RABL6: variants seen among roughly 807,000 people sequenced by gnomAD.
RABL6 encodes RAB, member RAS oncogene family like 6.
Under a neutral mutation model 72.9 loss-of-function variants are expected in RABL6, and 28 were observed. The ratio of observed to expected loss-of-function variants is 0.38; its 90% confidence interval spans 0.28 to 0.53. The LOEUF is 0.53. Among genes scored for constraint, RABL6 ranks in the 20% least tolerant of loss-of-function variants. The pLI, the probability that RABL6 is intolerant of heterozygous loss-of-function variation, is 0.80. For missense variants in RABL6, 1,029 were observed against 1,008.4 expected (o/e 1.02, Z -0.28); for synonymous variants, 477 against 421.2 (o/e 1.13, Z -1.62).
chr9:136,839,763 C>T lies in RABL6; in HGVS notation c.1828C>T (p.Pro610Ser), dbSNP rs1848654512. ...GGATGAGGGCCCTGCCGAGCCGCCC[C>T]CACCCCCCAAGCTCCCTCTCCCCGC... ...DEDEGPAEPP[P>S]PPKLPLPAFR... The change falls in exon 13 of 15, where the codon CCA (proline) becomes TCA (serine). Residue 610 changes from proline (P) to serine (S), a missense_variant. By Grantham distance (74) the Pro-to-Ser change is moderately conservative. Coordinates refer to ENST00000311502, the MANE Select transcript of RABL6 (RefSeq NM_024718.5). 1 of 1,612,224 alleles carries T rather than the reference C, an allele frequency of 6.2e-7. No individual in the cohort carries two copies. Among genetic ancestry groups the T allele is most frequent in the African/African-American group, 1.3e-5 (1 of 74,922 alleles).
Position 136,823,550 on chromosome 9 carries a change from G to A in RABL6, c.156G>A (p.Arg52=). ...TGAAGATAGTGATCCGGGGAGACAG[G>A]AACACGGGCAAGACAGCGCTGTGGC... ...YNMKIVIRGD[R]NTGKTALWHR... Residue 52 remains arginine (R), a synonymous_variant, in exon 2 of 15, where the codon AGG becomes AGA. Transcript: ENST00000311502. 2 of 1,613,840 alleles carry A rather than the reference G, an allele frequency of 1.2e-6. No homozygotes were observed. Among genetic ancestry groups the A allele is most frequent in the East Asian group, 2.2e-5 (1 of 44,894 alleles).
intron 1 of RABL6, 169 bp downstream of exon 1, chr9:136,808,495 G>A: frequency 4.3e-6 from 3 of 694,628 alleles, no homozygotes; most frequent in Non-Finnish European, 5.9e-6. Flanking sequence ...GACGCGAGGA[G>A]AGGCCAGGCC....
chr9:136,813,055 C>A, intron 1 of RABL6: 1 of 378,644 alleles, frequency 2.6e-6, no homozygotes, highest in South Asian at 2.3e-5. Flanking sequence ...GCCTTTGGGG[C>A]ACCCGGTTTC....
In RABL6 at chr9:136,825,642, C is replaced by T. The variant is rs1848339206; in HGVS notation, c.266-137C>T. 8 of 905,820 alleles carry T rather than the reference C, an allele frequency of 8.8e-6. No individual in the cohort carries two copies. The South Asian group carries it at 1.1e-4, about 12-fold the overall frequency. The allele number at this position is 905,820 out of a possible 1,614,324, so 56.1% of individuals were successfully genotyped here. A position where few individuals can be genotyped will look rare whatever the true frequency, so the allele number is the denominator to read the frequency against. On this transcript the variant is annotated intron_variant, in intron 2 of 14. Transcript: ENST00000311502. Reference sequence around the variant, plus strand: ...ATGTGGTCGTCTGGGGAGGACACATCCCCTGCTTCTGGACACTCGGAAGTC... The same window carrying T: ...ATGTGGTCGTCTGGGGAGGACACATTCCCTGCTTCTGGACACTCGGAAGTC...
intron 5 of RABL6, chr9:136,831,014 T>C (rs1047403489): frequency 1.0e-4 from 16 of 154,694 alleles, no homozygotes; most frequent in African/African-American, 3.6e-4. Context: ...CCGGCCTTGG[T>C]GAGGGGCCCG....
At chr9:136,818,374 A>C (rs11145893) in intron 1 of RABL6, among the ~76,000 whole-genome samples, 29,403 of 59,324 alleles carry the variant, frequency 0.5, 6,731 homozygotes, top group East Asian at 0.63. Flanking sequence ...AAAAAAAAAA[A>C]AAAAAAAAAA....
Position 136,840,464 on chromosome 9 carries a change from T to C in RABL6, c.2132T>C (p.Leu711Pro). The change falls in exon 15 of 15, where the codon CTG (leucine) becomes CCG (proline). Residue 711 changes from leucine (L) to proline (P), a missense_variant. Physicochemically the swap from Leu to Pro is moderately conservative, Grantham distance 98. This residue lies in a region of RABL6 where 595 missense variants were observed against 472.4 expected (regional missense o/e 1.26). Transcript: ENST00000311502. ...GCTGCCGATGAGCTGGAGGCTTTCC[T>C]GGGGGGCGGGGCCCCGGGCGGCCGC... The part of the protein sequence containing the change: ...RTAADELEAF[L>P]GGGAPGGRHP... 4 of 1,537,084 alleles carry C rather than the reference T, an allele frequency of 2.6e-6. No homozygotes were observed. The highest frequency in any genetic ancestry group is 2.8e-5 in the African/African-American group (2 of 72,108).
rs1477258068 is a variant in RABL6 at position 136,840,371 on chromosome 9, A to T, written c.2039A>T (p.Asp680Val). The T allele has an allele frequency of 9.6e-6, 15 of 1,556,264 alleles. No individual in the cohort carries two copies. The change falls in exon 15 of 15, where the codon GAC (aspartate) becomes GTC (valine). Residue 680 changes from aspartate (D) to valine (V), a missense_variant. Physicochemically the swap from Asp to Val is radical, Grantham distance 152 (BLOSUM62 -3). Around this residue, in one of 2 missense-constraint regions of RABL6, gnomAD observed 595 missense variants for 472.4 expected, o/e 1.26. Coordinates refer to ENST00000311502, the MANE Select transcript of RABL6 (RefSeq NM_024718.5). ...KKKSKHKKSKDKEEGKEERRR... is the reference protein window; with the variant it reads ...KKKSKHKKSKVKEEGKEERRR... ...AAGAGCAAACACAAGAAGAGCAAGGACAAGGAGGAGGGCAAGGAGGAGCGG... is the reference window on the plus strand; with the variant it reads ...AAGAGCAAACACAAGAAGAGCAAGGTCAAGGAGGAGGGCAAGGAGGAGCGG...
rs1183933083 is a variant in RABL6, at chr9:136,837,759, T to A, written c.1126+97T>A. The A allele has an allele frequency of 6.5e-6, 10 of 1,543,342 alleles. No individual in the cohort carries two copies. The African/African-American group carries it at 1.1e-4, about 17-fold the overall frequency. ...CGGAGCGCTCCACGCTTCTTCCTGCTTGTCCCAGTCCCGTGGGCACATCCC... is the reference window on the plus strand; with the variant it reads ...CGGAGCGCTCCACGCTTCTTCCTGCATGTCCCAGTCCCGTGGGCACATCCC... On this transcript the variant is annotated intron_variant, in intron 9 of 14. Coordinates refer to ENST00000311502, the MANE Select transcript of RABL6 (RefSeq NM_024718.5).
Position 136,837,406 on chromosome 9 carries a change from G to T in RABL6, c.870G>T (p.Gly290=). ...RGHASPLAAN[G]QSPSPGSQSP... is the part of the protein sequence containing the mutation. ...ATGCGTCCCCACTGGCGGCCAACGG[G>T]CAGAGCCCATCCCCGGGCTCCCAGT... Residue 290 remains glycine, a synonymous_variant, in exon 9 of 15, where the codon GGG becomes GGT. Transcript: ENST00000311502. 1 of 1,593,884 alleles carries T rather than the reference G, an allele frequency of 6.3e-7. No homozygotes were observed.
intron 2 of RABL6, 43 bp from the exon 3 acceptor site, chr9:136,825,736 A>C (rs375496742): frequency 6.3e-7 from 1 of 1,599,236 alleles, no homozygotes; most frequent in Non-Finnish European, 8.6e-7. Context: ...CCACCTTGGG[A>C]ACTTCATGTT....
rs1020500715 is a variant in RABL6 at position 136,808,010 on chromosome 9, A to G, written c.-187A>G. 1.9e-6 allele frequency: 2 copies of G among 1,027,480 alleles called. No homozygotes were observed. Among genetic ancestry groups the G allele is most frequent in the African/African-American group, 3.5e-5 (2 of 57,780 alleles). The allele number at this position is 1,027,480 out of a possible 1,614,324, so 63.6% of individuals were successfully genotyped here. ...GAGGCCGCGGGGGCCGGAGCGGAGC[A>G]GCCGCGGCTGAGGTTCCCGAGTCGC... On this transcript the variant is annotated 5_prime_UTR_variant, in exon 1 of 15. Transcript: ENST00000311502.
At chr9:136,812,882 C>A in intron 1 of RABL6, 2 of 330,048 alleles carry the variant, frequency 6.1e-6, no homozygotes, top group South Asian at 5.8e-5. Flanking sequence ...GCCACCACCT[C>A]ATCCTCCAAA....
intron 8 of RABL6, 192 bp from the exon 9 acceptor site, chr9:136,837,154 C>T (rs1385895988): frequency 1.4e-6 from 1 of 733,508 alleles, no homozygotes; most frequent in Non-Finnish European, 2.5e-6. Context: ...GGATTACAGG[C>T]ATGAGCCACC....
rs1476102986 is a variant in RABL6, at chr9:136,808,129, G to A, written c.-68G>A. On this transcript the variant is annotated 5_prime_UTR_variant, in exon 1 of 15. Transcript: ENST00000311502. ...CCGGGGCCGCCGGGACATGGTGCCA[G>A]TCGCACCCCTTCCCCGCCGCCGCTG... 8.3e-6 allele frequency: 12 copies of A among 1,438,364 alleles called. No homozygotes were observed. The highest frequency in any genetic ancestry group is 3.3e-5 in the East Asian group (1 of 30,420). The allele number at this position is 1,438,364 out of a possible 1,614,324, so 89.1% of individuals were successfully genotyped here.
intron 1 of RABL6, among the ~76,000 whole-genome samples, chr9:136,810,991 C>T (rs994868726): frequency 5.3e-5 from 8 of 152,152 alleles, no homozygotes; most frequent in East Asian, 1.9e-4. Context: ...TGCATTTGCT[C>T]GGAGTTGCTA....
intron 1 of RABL6, chr9:136,814,195 TTTC>T (rs1848070140): frequency 3.7e-6 from 1 of 267,392 alleles, no homozygotes; most frequent in Admixed American, 4.9e-5. Context: ...AGTTTTTGTT[TTTC>T]TTTCTTTTTC....
intron 5 of RABL6, among the ~76,000 whole-genome samples, chr9:136,831,400 G>T (rs575302753): frequency 1.3e-5 from 2 of 152,214 alleles, no homozygotes; most frequent in African/African-American, 4.8e-5. Flanking sequence ...GGACACAGAT[G>T]AAGCCAGAGG....
Position 136,839,084 on chromosome 9 carries a change from C to T in RABL6, c.1456C>T (p.Pro486Ser), listed in dbSNP as rs753215354. The change falls in exon 11 of 15, where the codon CCA becomes TCA. Residue 486 changes from proline (P) to serine (S), a missense_variant. Pro to Ser is a moderately conservative substitution (Grantham distance 74, BLOSUM62 -1). Around this residue, in one of 2 missense-constraint regions of RABL6, gnomAD observed 595 missense variants for 472.4 expected, o/e 1.26. Transcript: ENST00000311502. ...GGCAGCTCCCACAAAAGGCCCTGCC[C>T]CAGCTCCCCAGCAGTGCTCAGAGCC... is the stretch of plus-strand genomic sequence containing the variant. ...EVAAPTKGPA[P>S]APQQCSEPET... 41 of 1,612,260 alleles carry T rather than the reference C, an allele frequency of 2.5e-5. No homozygotes were observed. In the Middle Eastern group the frequency reaches 1.9e-3, roughly 74 times the overall value.
Sources: allele counts gnomAD v4.1 joint callset (sites outside exome capture counted in the v4.1 genomes callset), GRCh38; gene constraint gnomAD v4.1.1; regional missense constraint gnomAD v4.1.1; transcripts MANE v1.5; gene names NCBI Gene and HGNC (gene_info 2026-07-23, HGNC 2026-07-21).